Variants in ARHGAP32 observed in about 807,000 individuals in gnomAD.
ARHGAP32 encodes the protein Rho GTPase activating protein 32.
Under a neutral mutation model 186.5 loss-of-function variants are expected in ARHGAP32, and 51 were observed. That is an observed-to-expected ratio of 0.27 (90% CI 0.22 to 0.35). The LOEUF is 0.35. Among genes scored for constraint, ARHGAP32 ranks in the 10% least tolerant of loss-of-function variants. ARHGAP32 has a pLI of 1.00. For synonymous variants in ARHGAP32, 950 were observed against 964.3 expected (o/e 0.99, Z 0.27); for missense variants, 2,186 against 2,623.5 (o/e 0.83, Z 3.64).
At chr11:129,191,313 C>CAAA (rs377065048) in intron 1 of ARHGAP32, among the ~76,000 whole-genome samples, 16 of 151,990 alleles carry the variant, frequency 1.1e-4, no homozygotes, top group Non-Finnish European at 1.9e-4. Context: ...GGTATTACAT[C>CAAA]GCTAACTCTG....
intron 5 of ARHGAP32, among the ~76,000 whole-genome samples, chr11:129,101,105 G>A (rs542501591): frequency 1.5e-4 from 23 of 152,230 alleles, no homozygotes; most frequent in South Asian, 6.2e-4. Context: ...GGAGCAGAGC[G>A]CTGGTCCCCC....
intron 1 of ARHGAP32, among the ~76,000 whole-genome samples, chr11:129,201,566 A>T (rs1163082944): frequency 6.6e-6 from 1 of 152,240 alleles, no homozygotes; most frequent in African/African-American, 2.4e-5. Context: ...ATCTACGGAT[A>T]AATCAAAACT....
At chr11:129,002,229 C>T (rs530772557) in intron 11 of ARHGAP32, among the ~76,000 whole-genome samples, 11 of 152,200 alleles carry the variant, frequency 7.2e-5, no homozygotes, top group East Asian at 3.9e-4. Flanking sequence ...AATCCATGAA[C>T]GTGGAATACC....
intron 2 of ARHGAP32, among the ~76,000 whole-genome samples, chr11:129,152,576 T>C (rs1329948850): frequency 6.6e-6 from 1 of 152,160 alleles, no homozygotes; most frequent in Non-Finnish European, 1.5e-5. Context: ...CACAGATGGT[T>C]GAACACATCT....
intron 6 of ARHGAP32, among the ~76,000 whole-genome samples, chr11:129,086,543 C>T (rs191721351): frequency 1.3e-5 from 2 of 152,166 alleles, no homozygotes; most frequent in East Asian, 1.9e-4. Flanking sequence ...CACTGATGGC[C>T]GGGCATGGTG....
chr11:128,998,958 G>T (rs965138103), intron 11 of ARHGAP32, among the ~76,000 whole-genome samples: 2 of 152,124 alleles, frequency 1.3e-5, no homozygotes, highest in African/African-American at 4.8e-5. Context: ...TGATGATTGT[G>T]TTAACTGCAC....
intron 1 of ARHGAP32, among the ~76,000 whole-genome samples, chr11:129,210,951 G>A (rs920979350): frequency 3.3e-5 from 5 of 152,086 alleles, no homozygotes; most frequent in East Asian, 1.9e-4. Context: ...TGTTCATGGC[G>A]CTCATTCATG....
At chr11:128,979,757 A>G (rs2136098954) in intron 18 of ARHGAP32, among the ~76,000 whole-genome samples, 1 of 152,380 alleles carries the variant, frequency 6.6e-6, no homozygotes, top group South Asian at 2.1e-4. Context: ...GTACTACCCA[A>G]TCCAGAGAAT....
intron 1 of ARHGAP32, among the ~76,000 whole-genome samples, chr11:129,197,491 A>G (rs532898308): frequency 6.6e-6 from 1 of 152,204 alleles, no homozygotes; most frequent in South Asian, 2.1e-4. Flanking sequence ...TGTCTCCTTA[A>G]TTGGGCACCA....
At chr11:129,255,162 G>A (rs1945237308) in intron 1 of ARHGAP32, among the ~76,000 whole-genome samples, 1 of 152,086 alleles carries the variant, frequency 6.6e-6, no homozygotes, top group Non-Finnish European at 1.5e-5. Flanking sequence ...ATAATAATTG[G>A]AACAGCACAG....
At chr11:129,068,120 C>T (rs933038064) in intron 6 of ARHGAP32, among the ~76,000 whole-genome samples, 4 of 152,078 alleles carry the variant, frequency 2.6e-5, no homozygotes, top group South Asian at 2.1e-4. Flanking sequence ...TTAGTTCTGA[C>T]GATCAGCCTG....
At chr11:129,110,124 T>C (rs1942166754) in intron 5 of ARHGAP32, among the ~76,000 whole-genome samples, 2 of 152,170 alleles carry the variant, frequency 1.3e-5, no homozygotes, top group South Asian at 2.1e-4. Flanking sequence ...TTTTATATGA[T>C]GAGAGATAGG....
At chr11:128,998,290 G>C (rs1467747084) in intron 12 of ARHGAP32, 29 bp downstream of exon 12, 5 of 1,496,756 alleles carry the variant, frequency 3.3e-6, no homozygotes, top group Admixed American at 2.1e-5. Flanking sequence ...CAGAAACTCA[G>C]AGTATAAGCT....
intron 1 of ARHGAP32, among the ~76,000 whole-genome samples, chr11:129,253,083 A>G (rs1421858627): frequency 6.6e-6 from 1 of 152,200 alleles, no homozygotes; most frequent in Non-Finnish European, 1.5e-5. Flanking sequence ...AGGCAGACAA[A>G]TTTGAGTGGT....
chr11:129,263,208 G>A (rs1945347476), intron 1 of ARHGAP32, among the ~76,000 whole-genome samples: 1 of 152,040 alleles, frequency 6.6e-6, no homozygotes, highest in Non-Finnish European at 1.5e-5. Flanking sequence ...GACACCAAAA[G>A]CACAGGCAAT....
In ARHGAP32 at chr11:128,968,079, T is replaced by C. The variant is rs1449243338; in HGVS notation, c.*828A>G. 1.3e-5 allele frequency: 2 copies of C among 152,052 alleles called. No individual in the cohort carries two copies. The highest frequency in any genetic ancestry group is 6.6e-5 in the Admixed American group (1 of 15,264). 9.4% of individuals were successfully genotyped at this position (152,052 alleles called of 1,614,324 possible). On this transcript the variant is annotated 3_prime_UTR_variant, in exon 23 of 23. Coordinates refer to ENST00000682385, the MANE Select transcript of ARHGAP32 (RefSeq NM_001378024.1). ...GCAGGCAATGCATTAAAAGCATCAA[T>C]AGAGATTTCTGGTGCTAATAAAGTT... is the stretch of plus-strand genomic sequence containing the variant.
At chr11:129,193,439 G>A (rs1204067060), upstream of ARHGAP32, among the ~76,000 whole-genome samples, 8 of 108,416 alleles carry the variant, frequency 7.4e-5, no homozygotes, top group African/African-American at 1.5e-4. Flanking sequence ...CCATAATCAC[G>A]CCACTGCACT....
chr11:129,227,407 A>G (rs1370317393), intron 1 of ARHGAP32, among the ~76,000 whole-genome samples: 1 of 151,940 alleles, frequency 6.6e-6, no homozygotes, highest in Non-Finnish European at 1.5e-5. Context: ...AATAAATCCT[A>G]TCTTATCAGT....
rs551770156 is a variant in ARHGAP32, at chr11:129,172,282, T to C, written c.117-7855A>G. On this transcript the variant is annotated intron_variant, in intron 1 of 22. Coordinates refer to ENST00000682385, the MANE Select transcript of ARHGAP32 (RefSeq NM_001378024.1). ...GTGAATGTTTCCATCTTTTCTCCAT[T>C]CAATATGATATTGGCTGTGGGTTTG... is the stretch of plus-strand genomic sequence containing the variant. Among the ~76,000 whole-genome samples the C allele has an allele frequency of 2.0e-5, 3 of 152,356 alleles. No individual in the cohort carries two copies. In the South Asian group the frequency reaches 6.2e-4, roughly 32 times the overall value.
Sources: allele counts gnomAD v4.1 joint callset (sites outside exome capture counted in the v4.1 genomes callset), GRCh38; gene constraint gnomAD v4.1.1; transcripts MANE v1.5; gene names NCBI Gene and HGNC (gene_info 2026-07-23, HGNC 2026-07-21).